ELFN1: variants seen among roughly 807,000 people sequenced by gnomAD.
The protein encoded by ELFN1 is extracellular leucine rich repeat and fibronectin type III domain containing 1.
Under a neutral mutation model 7.6 loss-of-function variants are expected in ELFN1, and 6 were observed. The observed-to-expected ratio is 0.79, with a 90% confidence interval of 0.43 to 1.56. ELFN1 has a LOEUF of 1.56. ELFN1 is among the 40% of genes most tolerant of loss of function. The pLI is 0.01. For synonymous variants in ELFN1, 657 were observed against 588.1 expected, an observed-to-expected ratio of 1.12 and a Z score of -1.70; for missense variants, 1,169 against 1,232.2, an observed-to-expected ratio of 0.95 and a Z score of 0.77.
chr7:1,691,861 C>T (rs564054415), intron 2 of ELFN1: 1 of 152,414 alleles, frequency 6.6e-6, no homozygotes, highest in Admixed American at 6.5e-5. Context: ...CATTAAGCCT[C>T]AGCGGCGCCT....
In ELFN1 at chr7:1,746,696, C is replaced by G; in HGVS notation, c.2100C>G (p.Tyr700Ter). The G allele has an allele frequency of 6.9e-7, 1 of 1,456,156 alleles. No individual in the cohort carries two copies. The highest frequency in any genetic ancestry group is 9.0e-7 in the Non-Finnish European group (1 of 1,110,896). The allele number at this position is 1,456,156 out of a possible 1,614,324, so 90.2% of individuals were successfully genotyped here. A position where few individuals can be genotyped will look rare whatever the true frequency, so the allele number is the denominator to read the frequency against. ...CCGAGGCCGAGAAGGGTCGCCAGTA[C>G]GGCGAGCACCGGCACTCGTACCCCG... is the stretch of plus-strand genomic sequence containing the variant. ...LRAEAEKGRQ[Y>*]GEHRHSYPGS... The change falls in exon 4 of 4, where the codon TAC becomes TAG. Residue 700 changes from tyrosine (Y) to a stop codon, truncating the protein, a stop_gained. Coordinates refer to ENST00000424383, the MANE Select transcript of ELFN1 (RefSeq NM_001128636.4). LOFTEE classifies it low-confidence loss of function (END_TRUNC).
At chr7:1,731,603 C>A (rs1416347854) in intron 3 of ELFN1, among the ~76,000 whole-genome samples, 5 of 152,202 alleles carry the variant, frequency 3.3e-5, no homozygotes, top group Non-Finnish European at 7.3e-5. Flanking sequence ...GCACAGGGCC[C>A]ATCCCAGGAA....
At chr7:1,671,737 CCCTGCCA>C (rs1321865247) in intron 1 of ELFN1, among the ~76,000 whole-genome samples, 1 of 152,236 alleles carries the variant, frequency 6.6e-6, no homozygotes, top group Non-Finnish European at 1.5e-5. Context: ...GGGTCCCTGC[CCCTGCCA>C]CCTTTTAATT....
chr7:1,731,196 G>T (rs1417506548), intron 3 of ELFN1, among the ~76,000 whole-genome samples: 2 of 152,146 alleles, frequency 1.3e-5, no homozygotes, highest in South Asian at 2.1e-4. Flanking sequence ...GATGTGCCGT[G>T]TTGGAATATT....
rs148307616 is a variant in ELFN1, at chr7:1,679,177, G to GCACA, written c.-549+8824_-549+8825insACAC. ...CACACACGCGTGCACACACGTACGC[G>GCACA]CGCACACACACACACACACAACTGC... On this transcript the variant is annotated intron_variant, in intron 1 of 3. Transcript: ENST00000424383. 3.1e-4 allele frequency among the ~76,000 whole-genome samples: 46 copies of GCACA among 149,462 alleles called. 1 individual carries two copies. The highest frequency in any genetic ancestry group is 9.9e-4 in the African/African-American group (39 of 39,274).
chr7:1,744,069 C>T (rs950785836), intron 3 of ELFN1, among the ~76,000 whole-genome samples: 2 of 152,298 alleles, frequency 1.3e-5, no homozygotes, highest in South Asian at 4.1e-4. Context: ...CGAGGAGACC[C>T]CTCCACGGGA....
chr7:1,675,271 C>T (rs766521458), intron 1 of ELFN1, among the ~76,000 whole-genome samples: 12 of 152,202 alleles, frequency 7.9e-5, no homozygotes, highest in Admixed American at 2.6e-4. Context: ...GAGTGCTGAC[C>T]GCGCTGAGAG....
At chr7:1,672,136 G>C (rs904337380) in intron 1 of ELFN1, among the ~76,000 whole-genome samples, 3 of 152,184 alleles carry the variant, frequency 2.0e-5, no homozygotes, top group Admixed American at 2.0e-4. Context: ...CCGACTCCCA[G>C]AAAAGCCAGT....
At position 1,698,254 on chromosome 7, in the gene ELFN1, T is replaced by C. The variant is rs531454702; in HGVS notation, c.-456+10104T>C. On this transcript the variant is annotated intron_variant, in intron 2 of 3. Coordinates refer to ENST00000424383, the MANE Select transcript of ELFN1 (RefSeq NM_001128636.4). Reference sequence around the variant, plus strand: ...ATTTTCTACTTCTAATAAGCACTTATCAAATTTACAGCTCTCATATACAAT... The same window carrying C: ...ATTTTCTACTTCTAATAAGCACTTACCAAATTTACAGCTCTCATATACAAT... Among the ~76,000 whole-genome samples, 15 of 152,348 alleles carry C rather than the reference T, an allele frequency of 9.8e-5. No individual in the cohort carries two copies. In the South Asian group the frequency reaches 2.9e-3, roughly 29 times the overall value.
chr7:1,671,180 C>G (rs947732883), intron 1 of ELFN1, among the ~76,000 whole-genome samples: 3 of 151,810 alleles, frequency 2.0e-5, no homozygotes, highest in Non-Finnish European at 4.4e-5. Flanking sequence ...GCCCCCCCCC[C>G]CATAAAAACG....
intron 3 of ELFN1, among the ~76,000 whole-genome samples, chr7:1,717,325 T>G (rs916398521): frequency 6.6e-6 from 1 of 152,178 alleles, no homozygotes; most frequent in African/African-American, 2.4e-5. Context: ...CTCAGGACAT[T>G]GGAGTATCCT....
At chr7:1,668,419 TG>T (rs1342392084), upstream of ELFN1, among the ~76,000 whole-genome samples, 1 of 152,212 alleles carries the variant, frequency 6.6e-6, no homozygotes, top group Non-Finnish European at 1.5e-5. Context: ...AGCACAGGCC[TG>T]GGGGAACCTG....
rs1778750956 is a variant in ELFN1 at position 1,670,850 on chromosome 7, C to T, written c.-549+496C>T. Among the ~76,000 whole-genome samples the T allele has an allele frequency of 6.6e-6, 1 of 151,554 alleles. No individual in the cohort carries two copies. Among genetic ancestry groups the T allele is most frequent in the Non-Finnish European group, 1.5e-5 (1 of 67,838 alleles). On this transcript the variant is annotated intron_variant, in intron 1 of 3. Coordinates refer to ENST00000424383, the MANE Select transcript of ELFN1 (RefSeq NM_001128636.4). This position sits in a 1 kb window ranked among gnomAD's most constrained non-coding sequence, Gnocchi z 6.4. ...CTCCCCCCGACGCTGCGAGCCTCCT[C>T]GCTCCGCGCGGGGACCGTCCAGTCA...
At position 1,745,459 on chromosome 7, in the gene ELFN1, C is replaced by T; in HGVS notation, c.863C>T (p.Pro288Leu). ...PPPPPEPSDM[P>L]CADDECFSGD... ...CCTCCGCCGGAGCCCAGTGACATGCCCTGTGCCGATGATGAGTGCTTCTCC... is the reference window on the plus strand; with the variant it reads ...CCTCCGCCGGAGCCCAGTGACATGCTCTGTGCCGATGATGAGTGCTTCTCC... The change falls in exon 4 of 4, where the codon CCC (proline) becomes CTC (leucine). Residue 288 changes from proline (P) to leucine (L), a missense_variant. Coordinates refer to ENST00000424383, the MANE Select transcript of ELFN1 (RefSeq NM_001128636.4). 6.5e-7 allele frequency: 1 copy of T among 1,541,280 alleles called. No homozygotes were observed. The highest frequency in any genetic ancestry group is 1.2e-5 in the South Asian group (1 of 84,012).
In ELFN1 at chr7:1,746,731, C is replaced by G. The variant is rs995483045; in HGVS notation, c.2135C>G (p.Pro712Arg). Residue 712 changes from proline to arginine, a missense_variant, in exon 4 of 4, where the codon CCG becomes CGG. Physicochemically the swap from Pro to Arg is moderately radical, Grantham distance 103. Transcript: ENST00000424383. ...EHRHSYPGSHPAEPPAPPGPP... is the reference protein window; with the variant it reads ...EHRHSYPGSHRAEPPAPPGPP... ...CGGCACTCGTACCCCGGCTCCCACC[C>G]GGCCGAGCCACCTGCGCCCCCCGGG... The G allele has an allele frequency of 2.0e-6, 3 of 1,483,276 alleles. No individual in the cohort carries two copies. The highest frequency in any genetic ancestry group is 2.7e-6 in the Non-Finnish European group (3 of 1,123,512). 91.9% of individuals were successfully genotyped at this position (1,483,276 alleles called of 1,614,324 possible).
At chr7:1,738,628 T>C (rs1458823984) in intron 3 of ELFN1, 1 of 151,982 alleles carries the variant, frequency 6.6e-6, no homozygotes, top group African/African-American at 2.4e-5. Context: ...AGGAAGTTAA[T>C]GTTTGTGAGA....
Position 1,673,312 on chromosome 7 carries a change from G to A in ELFN1, c.-549+2958G>A, listed in dbSNP as rs1301880445. Among the ~76,000 whole-genome samples the A allele has an allele frequency of 4.6e-5, 7 of 152,170 alleles. No homozygotes were observed. The highest frequency in any genetic ancestry group is 2.9e-5 in the Non-Finnish European group (2 of 68,036). On this transcript the variant is annotated intron_variant, in intron 1 of 3. Coordinates refer to ENST00000424383, the MANE Select transcript of ELFN1 (RefSeq NM_001128636.4). This position sits in a 1 kb window ranked among gnomAD's most constrained non-coding sequence, Gnocchi z 4.7. ...GTGGTGGAGGGGTCCTATGTCTGGC[G>A]TCTGTGTCCTGTTGTGTTGGTTCAG...
intron 1 of ELFN1, among the ~76,000 whole-genome samples, chr7:1,674,449 C>T (rs1368407598): frequency 1.3e-5 from 2 of 152,146 alleles, no homozygotes; most frequent in Non-Finnish European, 2.9e-5. Flanking sequence ...GCCTGTGAGC[C>T]GGACCCAAGC....
Position 1,739,758 on chromosome 7 carries a change from G to T in ELFN1, c.-293-4546G>T, listed in dbSNP as rs987437221. On this transcript the variant is annotated intron_variant, in intron 3 of 3. Transcript: ENST00000424383. The surrounding 1 kb of genome is among the most constrained non-coding windows in gnomAD (Gnocchi z 4.6). ...CGAGAGGCTGAGCAAGACAAAAATG[G>T]GCCCTGGCAGGGCAGAGGTCACCGG... is the stretch of plus-strand genomic sequence containing the variant. Among the ~76,000 whole-genome samples the T allele has an allele frequency of 2.0e-5, 3 of 152,190 alleles. No homozygotes were observed. The highest frequency in any genetic ancestry group is 7.2e-5 in the African/African-American group (3 of 41,442).
Sources: allele counts gnomAD v4.1 joint callset (sites outside exome capture counted in the v4.1 genomes callset), GRCh38; gene constraint gnomAD v4.1.1; non-coding constraint Gnocchi (gnomAD v3.1); transcripts MANE v1.5; gene names NCBI Gene and HGNC (gene_info 2026-07-23, HGNC 2026-07-21).